The following CA10 variants were observed in gnomAD, a reference collection of about 807,000 sequenced individuals.
The protein encoded by CA10 is carbonic anhydrase 10 (inactive).
Under a neutral mutation model 44.2 loss-of-function variants are expected in CA10, and 14 were observed. The ratio of observed to expected loss-of-function variants is 0.32; its 90% confidence interval spans 0.21 to 0.50. CA10 has a LOEUF of 0.50. Among genes scored for constraint, CA10 ranks in the 20% least tolerant of loss-of-function variants. The pLI is 0.99. For synonymous variants in CA10, 159 were observed against 141.6 expected (o/e 1.12, Z -0.87); for missense variants, 350 against 409.7 (o/e 0.85, Z 1.26).
At chr17:51,711,670 ATC>A (rs1915946724) in intron 4 of CA10, among the ~76,000 whole-genome samples, 2 of 152,236 alleles carry the variant, frequency 1.3e-5, no homozygotes, top group Admixed American at 1.3e-4. Flanking sequence ...TGAAACAAAT[ATC>A]TAAGCAAAGC....
intron 2 of CA10, among the ~76,000 whole-genome samples, chr17:51,958,954 T>C (rs1983767025): frequency 1.3e-5 from 2 of 151,924 alleles, no homozygotes; most frequent in African/African-American, 4.8e-5. Flanking sequence ...TAATGACAGG[T>C]GAATTGGGGA....
chr17:51,831,690 G>GCAGCAGCATCAGCAT (rs1286524028), intron 3 of CA10, among the ~76,000 whole-genome samples: 2,827 of 81,272 alleles, frequency 0.035, 128 homozygotes, highest in African/African-American at 0.099. Flanking sequence ...AGCAGCAGCA[G>GCAGCAGCATCAGCAT]CAGCAGCAGC....
At chr17:51,670,419 A>C (rs1914372462) in intron 4 of CA10, among the ~76,000 whole-genome samples, 1 of 151,956 alleles carries the variant, frequency 6.6e-6, no homozygotes. Context: ...GCCACATGTT[A>C]GACCTGGTTT....
At chr17:51,751,163 C>A (rs75405326) in intron 3 of CA10, among the ~76,000 whole-genome samples, 1,684 of 152,278 alleles carry the variant, frequency 0.011, 21 homozygotes, top group African/African-American at 0.038. Flanking sequence ...CCCTTCTTAT[C>A]AGTAATTACT....
At chr17:51,705,178 A>G (rs2143472862) in intron 4 of CA10, among the ~76,000 whole-genome samples, 1 of 152,218 alleles carries the variant, frequency 6.6e-6, no homozygotes, top group Non-Finnish European at 1.5e-5. Flanking sequence ...CCCTCTTATT[A>G]CAAGGCTTCC....
chr17:51,877,728 T>G (rs1022968426), intron 3 of CA10, among the ~76,000 whole-genome samples: 1 of 152,216 alleles, frequency 6.6e-6, no homozygotes, highest in Non-Finnish European at 1.5e-5. Flanking sequence ...CTAAGTCATT[T>G]TAAAACCTGT....
intron 3 of CA10, among the ~76,000 whole-genome samples, chr17:51,815,169 T>G (rs775491312): frequency 6.6e-6 from 1 of 151,884 alleles, no homozygotes; most frequent in Non-Finnish European, 1.5e-5. Context: ...TCACCCCAGG[T>G]GGGTGCTACT....
chr17:51,878,774 T>C lies in CA10; in HGVS notation c.279+52216A>G, dbSNP rs1292412898. 2.1e-5 allele frequency among the ~76,000 whole-genome samples: 3 copies of C among 144,192 alleles called. No homozygotes were observed. In the East Asian group the frequency reaches 6.6e-4, roughly 32 times the overall value. The allele number at this position is 144,192 out of a possible 152,430, so 94.6% of individuals were successfully genotyped here. ...TGTTTTTCAAGCTTATAACTATTCATTCACTGACAAACAGGGTGCTCTTCC... is the reference window on the plus strand; with the variant it reads ...TGTTTTTCAAGCTTATAACTATTCACTCACTGACAAACAGGGTGCTCTTCC... On this transcript the variant is annotated intron_variant, in intron 3 of 8. Coordinates refer to ENST00000451037, the MANE Select transcript of CA10 (RefSeq NM_020178.5).
At chr17:51,840,591 C>T (rs1978311898) in intron 3 of CA10, among the ~76,000 whole-genome samples, 2 of 152,010 alleles carry the variant, frequency 1.3e-5, no homozygotes, top group Admixed American at 6.6e-5. Flanking sequence ...AATTAAGACT[C>T]TTTCCTGTGT....
chr17:51,967,854 G>GAAAAT (rs1984138572), intron 2 of CA10, among the ~76,000 whole-genome samples: 1 of 151,496 alleles, frequency 6.6e-6, no homozygotes, highest in Non-Finnish European at 1.5e-5. Flanking sequence ...TAAAAAAAAA[G>GAAAAT]AAAATAAGGA....
chr17:51,850,025 A>G (rs1048943415), intron 3 of CA10, among the ~76,000 whole-genome samples: 2 of 152,336 alleles, frequency 1.3e-5, no homozygotes, highest in Middle Eastern at 3.4e-3. Context: ...GGAAATACAC[A>G]TGCTGTAAGC....
intron 1 of CA10, among the ~76,000 whole-genome samples, chr17:52,081,319 G>T (rs1225720223): frequency 6.6e-6 from 1 of 152,164 alleles, no homozygotes; most frequent in Non-Finnish European, 1.5e-5. Context: ...TGGATTCAAA[G>T]ACTGAAAGTT....
At chr17:52,063,376 G>A (rs1480799168) in intron 2 of CA10, among the ~76,000 whole-genome samples, 2 of 152,184 alleles carry the variant, frequency 1.3e-5, no homozygotes, top group Non-Finnish European at 2.9e-5. Context: ...ATTTTGCAAT[G>A]TGAGAAGGAT....
intron 1 of CA10, among the ~76,000 whole-genome samples, chr17:52,114,809 A>C (rs1470113951): frequency 6.6e-6 from 1 of 152,134 alleles, no homozygotes; most frequent in African/African-American, 2.4e-5. Context: ...CCTTCTTCCT[A>C]TCAGGTCCTG....
chr17:51,948,271 C>T (rs1413260685), intron 2 of CA10, among the ~76,000 whole-genome samples: 1 of 152,194 alleles, frequency 6.6e-6, no homozygotes, highest in East Asian at 1.9e-4. Context: ...TTCCTGCAGG[C>T]TCTGCCCATA....
chr17:51,758,655 CG>C (rs369815796), intron 3 of CA10, among the ~76,000 whole-genome samples: 113 of 152,288 alleles, frequency 7.4e-4, no homozygotes, highest in African/African-American at 2.4e-3. Flanking sequence ...TGTAGGTTTC[CG>C]GGGGGTGAGT....
chr17:51,786,774 C>T (rs1428828771), intron 3 of CA10, among the ~76,000 whole-genome samples: 1 of 152,036 alleles, frequency 6.6e-6, no homozygotes, highest in Non-Finnish European at 1.5e-5. Flanking sequence ...GAAGGGCTTT[C>T]AGATTTTCCC....
At position 52,019,252 on chromosome 17, in the gene CA10, T is replaced by A. The variant is rs747014937; in HGVS notation, c.136+53067A>T. Among the ~76,000 whole-genome samples, 9 of 152,276 alleles carry A rather than the reference T, an allele frequency of 5.9e-5. 1 individual carries two copies. In the Middle Eastern group the frequency reaches 0.01, roughly 173 times the overall value. The stretch of plus-strand genomic sequence containing the variant: ...TTCAGACATTTTAGTGGTTTAAAAT[T>A]AGGGTAAAGAGTCTCATTGCCATTA... On this transcript the variant is annotated intron_variant, in intron 2 of 8. Coordinates refer to ENST00000451037, the MANE Select transcript of CA10 (RefSeq NM_020178.5).
chr17:51,652,450 C>A (rs1913608994), intron 5 of CA10, among the ~76,000 whole-genome samples: 1 of 152,192 alleles, frequency 6.6e-6, no homozygotes, highest in Non-Finnish European at 1.5e-5. Context: ...TAAAAATATG[C>A]TTCCCTGGCC....
Sources: allele counts gnomAD v4.1 joint callset (sites outside exome capture counted in the v4.1 genomes callset), GRCh38; gene constraint gnomAD v4.1.1; transcripts MANE v1.5; gene names NCBI Gene and HGNC (gene_info 2026-07-23, HGNC 2026-07-21).